The following SIGLEC7 variants were observed in gnomAD, a reference collection of about 807,000 sequenced individuals.
The protein encoded by SIGLEC7 is sialic acid-binding Ig-like lectin 7.
A neutral mutation model predicts 40.8 loss-of-function variants in SIGLEC7; 33 were observed. The ratio of observed to expected loss-of-function variants is 0.81; its 90% CI spans 0.61 to 1.08. The LOEUF is 1.08. Among genes scored for constraint, SIGLEC7 ranks in the 50% least tolerant of loss-of-function variants. The pLI is 0.00. For synonymous variants in SIGLEC7, 242 were observed against 237.6 expected, an observed-to-expected ratio of 1.02 and a Z score of -0.17; for missense variants, 513 against 576.1, an observed-to-expected ratio of 0.89 and a Z score of 1.12.
rs866740053 is a variant in SIGLEC7 at position 51,147,435 on chromosome 19, C to T, written c.1221+118C>T. On this transcript the variant is annotated intron_variant, in intron 6 of 6. Transcript: ENST00000317643. ...TTATCTCCTCATCTCCTCCTCCTTC[C>T]CACCATCCAGCTTCTCCTGCAGGAT... is the stretch of plus-strand genomic sequence containing the variant. 48 of 758,912 alleles carry T rather than the reference C, an allele frequency of 6.3e-5. 4 individuals carry two copies. In the Middle Eastern group the frequency reaches 9.3e-3, roughly 147 times the overall value. The allele number at this position is 758,912 out of a possible 1,614,324, so 47.0% of individuals were successfully genotyped here. A position where few individuals can be genotyped will look rare whatever the true frequency, so the allele number is the denominator to read the frequency against.
In SIGLEC7 at chr19:51,145,005, G is replaced by A. The variant is rs757426907; in HGVS notation, c.760+46G>A. The A allele has an allele frequency of 6.3e-7, 1 of 1,581,132 alleles. No individual in the cohort carries two copies. The highest frequency in any genetic ancestry group is 1.1e-5 in the South Asian group (1 of 90,430). ...TGGGGCTGGGGGAGCAGGGCCTTCA[G>A]CTCAGGGCAGGGCCAGGTCCCTCCT... On this transcript the variant is annotated intron_variant, in intron 3 of 6. Coordinates refer to ENST00000317643, the MANE Select transcript of SIGLEC7 (RefSeq NM_014385.4). This position sits in a 1 kb window ranked among gnomAD's most constrained non-coding sequence, Gnocchi z 4.3.
In SIGLEC7 at chr19:51,143,347, C is replaced by T. The variant is rs555755462; in HGVS notation, c.433+545C>T. Among the ~76,000 whole-genome samples, 91 of 152,022 alleles carry T rather than the reference C, an allele frequency of 6.0e-4. 1 individual carries two copies. Among genetic ancestry groups the T allele is most frequent in the Non-Finnish European group, 1.1e-3 (75 of 68,028 alleles). Reference sequence around the variant, plus strand: ...AGCCTGGACAGGGAGACTCAGCACACGGCCCCTCCATCTCTCATGCCCTGA... The same window carrying T: ...AGCCTGGACAGGGAGACTCAGCACATGGCCCCTCCATCTCTCATGCCCTGA... On this transcript the variant is annotated intron_variant, in intron 1 of 6. Coordinates refer to ENST00000317643, the MANE Select transcript of SIGLEC7 (RefSeq NM_014385.4).
At position 51,145,951 on chromosome 19, in the gene SIGLEC7, T is replaced by A. The variant is rs1372880355; in HGVS notation, c.857T>A (p.Leu286Gln). ...GTTGACAGCAATCCCCCTGCCAGGC[T>A]GAGCTGGACCTGGAGGAGTCTGACC... ...CAVDSNPPAR[L>Q]SWTWRSLTLY... The change falls in exon 4 of 7, where the codon CTG becomes CAG. Residue 286 changes from leucine to glutamine, a missense_variant. By Grantham distance (113) the Leu-to-Gln change is moderately radical. Transcript: ENST00000317643. This position sits in a 1 kb window ranked among gnomAD's most constrained non-coding sequence, Gnocchi z 4.3. The A allele has an allele frequency of 4.3e-6, 7 of 1,614,072 alleles. No individual in the cohort carries two copies. The highest frequency in any genetic ancestry group is 1.7e-5 in the Admixed American group (1 of 60,010).
At chr19:51,151,808 T>A (rs1383803565) in intron 6 of SIGLEC7, among the ~76,000 whole-genome samples, 2 of 152,122 alleles carry the variant, frequency 1.3e-5, no homozygotes, top group Non-Finnish European at 1.5e-5. Flanking sequence ...TGCTTAGACT[T>A]GGTATGTGTG....
intron 4 of SIGLEC7, among the ~76,000 whole-genome samples, 159 bp downstream of exon 4, chr19:51,146,280 C>A (rs747801823): frequency 1.3e-4 from 20 of 152,012 alleles, no homozygotes; most frequent in Admixed American, 5.2e-4. Context: ...CCTCTTCCTG[C>A]CAGGAAAGGT....
Position 51,144,651 on chromosome 19 carries a change from A to G in SIGLEC7, c.679A>G (p.Thr227Ala), listed in dbSNP as rs2092094324. ...CQVTLPGAGV[T>A]TNRTIQLNVS... ...GGTGACCTTGCCTGGGGCCGGCGTG[A>G]CCACGAACAGGACCATCCAACTCAA... The change falls in exon 2 of 7, where the codon ACC becomes GCC. Residue 227 changes from threonine (T) to alanine (A), a missense_variant. By Grantham distance (58) the Thr-to-Ala change is moderately conservative. Transcript: ENST00000317643. 1 of 1,613,814 alleles carries G rather than the reference A, an allele frequency of 6.2e-7. No homozygotes were observed. The highest frequency in any genetic ancestry group is 8.5e-7 in the Non-Finnish European group (1 of 1,179,974).
rs2092100027 is a variant in SIGLEC7, at chr19:51,145,250, C to T, written c.760+291C>T. Among the ~76,000 whole-genome samples the T allele has an allele frequency of 6.6e-6, 1 of 152,204 alleles. No individual in the cohort carries two copies. The highest frequency in any genetic ancestry group is 2.1e-4 in the South Asian group (1 of 4,834). ...TCTTATCTTCCATCTCCTGAATATG[C>T]CACCTAACTCGTCTTTTTATTTTAC... On this transcript the variant is annotated intron_variant, in intron 3 of 6. Transcript: ENST00000317643. This position sits in a 1 kb window ranked among gnomAD's most constrained non-coding sequence, Gnocchi z 4.3.
intron 6 of SIGLEC7, among the ~76,000 whole-genome samples, chr19:51,149,741 C>T (rs1293976007): frequency 6.6e-6 from 1 of 152,096 alleles, no homozygotes; most frequent in African/African-American, 2.4e-5. Context: ...TTTCTTTGGG[C>T]AGTATGGCCA....
chr19:51,150,030 T>C (rs1454863625), intron 6 of SIGLEC7, among the ~76,000 whole-genome samples: 1 of 152,218 alleles, frequency 6.6e-6, no homozygotes, highest in Admixed American at 6.5e-5. Context: ...TTATTTATCA[T>C]TTAAGAAGCT....
At position 51,142,838 on chromosome 19, in the gene SIGLEC7, T is replaced by C; in HGVS notation, c.433+36T>C. ...GGCTCCAAGAGAGGCCAAAGGCAAA[T>C]GTGATGAGGGCTTTAGGGCACGGCT... On this transcript the variant is annotated intron_variant, in intron 1 of 6. Coordinates refer to ENST00000317643, the MANE Select transcript of SIGLEC7 (RefSeq NM_014385.4). The surrounding 1 kb of genome is among the most constrained non-coding windows in gnomAD (Gnocchi z 5.0). The C allele has an allele frequency of 6.4e-7, 1 of 1,554,210 alleles. No individual in the cohort carries two copies. The highest frequency in any genetic ancestry group is 1.8e-5 in the Admixed American group (1 of 54,590).
intron 6 of SIGLEC7, among the ~76,000 whole-genome samples, chr19:51,149,999 T>C (rs1156356854): frequency 1.3e-5 from 2 of 152,222 alleles, no homozygotes; most frequent in Non-Finnish European, 2.9e-5. Flanking sequence ...ATTGATTTTG[T>C]ATCCTGAAAC....
In SIGLEC7 at chr19:51,147,323, T is replaced by C; in HGVS notation, c.1221+6T>C. ...TCAGGGGCTCAGCCTCTCAGGTGAG[T>C]GATATGGGCGTCTCCACACCCAGCA... On this transcript the variant is annotated splice_donor_region_variant and intron_variant, in intron 6 of 6. Transcript: ENST00000317643. The C allele has an allele frequency of 6.2e-7, 1 of 1,605,386 alleles. No homozygotes were observed. Among genetic ancestry groups the C allele is most frequent in the Middle Eastern group, 1.7e-4 (1 of 6,020 alleles).
rs1385784808 is a variant in SIGLEC7 at position 51,144,907 on chromosome 19, C to T, written c.713-5C>T. On this transcript the variant is annotated splice_region_variant and splice_polypyrimidine_tract_variant and intron_variant, in intron 2 of 6. Transcript: ENST00000317643. ...GATGCAGGTCTCCATGTCTTTCTGT[C>T]CCAGACCCTCCTCAGAACTTGACTG... 1.2e-6 allele frequency: 2 copies of T among 1,613,998 alleles called. No individual in the cohort carries two copies. The highest frequency in any genetic ancestry group is 1.1e-5 in the South Asian group (1 of 91,074).
chr19:51,143,734 G>T, intron 1 of SIGLEC7: 2 of 235,614 alleles, frequency 8.5e-6, no homozygotes, highest in South Asian at 4.6e-5. Flanking sequence ...AAGGAGCCCA[G>T]GAACCCTCTG....
chr19:51,147,738 C>A (rs1041665702), intron 6 of SIGLEC7, among the ~76,000 whole-genome samples: 1 of 152,114 alleles, frequency 6.6e-6, no homozygotes, highest in African/African-American at 2.4e-5. Context: ...CATTCAGAAG[C>A]CATCACTGAT....
intron 6 of SIGLEC7, among the ~76,000 whole-genome samples, chr19:51,149,404 T>C (rs1012639469): frequency 4.6e-5 from 7 of 152,212 alleles, no homozygotes; most frequent in African/African-American, 1.7e-4. Flanking sequence ...ATTTATTGAA[T>C]CAGGAGTCCT....
rs767808458 is a variant in SIGLEC7 at position 51,153,149 on chromosome 19, G to A, written c.1308G>A (p.Gln436=). 1.2e-6 allele frequency: 2 copies of A among 1,611,248 alleles called. No individual in the cohort carries two copies. The highest frequency in any genetic ancestry group is 1.7e-6 in the Non-Finnish European group (2 of 1,178,748). ...CCTCAGGGGAGGAAAGAGAGATCCA[G>A]TATGCACCCCTCAGCTTTCATAAGG... is the stretch of plus-strand genomic sequence containing the variant. ...AHSSGEEREI[Q]YAPLSFHKGE... Residue 436 remains glutamine, a synonymous_variant, in exon 7 of 7, where the codon CAG becomes CAA. Coordinates refer to ENST00000317643, the MANE Select transcript of SIGLEC7 (RefSeq NM_014385.4).
chr19:51,149,604 T>C (rs1388618532), intron 6 of SIGLEC7, among the ~76,000 whole-genome samples: 2 of 152,216 alleles, frequency 1.3e-5, no homozygotes, highest in Non-Finnish European at 2.9e-5. Context: ...CCAGGTTTTC[T>C]TTTTGCTTAG....
Position 51,145,557 on chromosome 19 carries a change from G to A in SIGLEC7, c.761-298G>A, listed in dbSNP as rs1437290404. Among the ~76,000 whole-genome samples the A allele has an allele frequency of 6.6e-6, 1 of 152,142 alleles. No individual in the cohort carries two copies. The highest frequency in any genetic ancestry group is 2.4e-5 in the African/African-American group (1 of 41,422). On this transcript the variant is annotated intron_variant, in intron 3 of 6. Coordinates refer to ENST00000317643, the MANE Select transcript of SIGLEC7 (RefSeq NM_014385.4). This position sits in a 1 kb window ranked among gnomAD's most constrained non-coding sequence, Gnocchi z 4.3. ...TGGCACTAATTTTATCCTACGGCAC[G>A]AACACTGCAATGAATAATGTTGTAT...
Sources: gnomAD v4.1 joint callset for allele counts (sites outside exome capture counted in the v4.1 genomes callset) on GRCh38, gnomAD v4.1.1 for gene constraint, Gnocchi (gnomAD v3.1) non-coding constraint, MANE v1.5 for transcripts, NCBI Gene and HGNC (gene_info 2026-07-23, HGNC 2026-07-21) for gene names.